The following CDH12 variants were observed in gnomAD, a reference collection of about 807,000 sequenced individuals.
The protein encoded by CDH12 is cadherin-12.
In CDH12, 41 loss-of-function variants were observed where a neutral mutation model predicts 74.1. The ratio of observed to expected loss-of-function variants is 0.55; its 90% CI spans 0.43 to 0.72. The LOEUF (loss-of-function observed/expected upper bound fraction) is 0.72. Ranked by LOEUF, CDH12 falls within the 30% of genes least tolerant of loss-of-function variation. The pLI is 0.00. For missense variants in CDH12, 945 were observed against 977.2 expected (o/e 0.97, Z 0.44); for synonymous variants, 399 against 355.0 (o/e 1.12, Z -1.39).
At chr5:21,755,553 G>A (rs768806973) in intron 14 of CDH12, 38 bp downstream of exon 14, 20 of 1,585,968 alleles carry the variant, frequency 1.3e-5, no homozygotes, top group Middle Eastern at 1.7e-4. Context: ...GGAAGAGAGA[G>A]CGAGAAAAAA....
intron 3 of CDH12, among the ~76,000 whole-genome samples, chr5:22,362,339 A>G (rs1740843428): frequency 6.6e-6 from 1 of 152,238 alleles, no homozygotes; most frequent in African/African-American, 2.4e-5. Flanking sequence ...AATGTTCATC[A>G]TCACTGGCCA....
chr5:22,114,422 ACAATTGGTTACACC>A (rs1744978189), intron 4 of CDH12, among the ~76,000 whole-genome samples: 1 of 152,136 alleles, frequency 6.6e-6, no homozygotes, highest in African/African-American at 2.4e-5. Context: ...AGAGTTCTGG[ACAATTGGTTACACC>A]TATAAATGTA....
At chr5:22,401,786 C>T (rs1742739715) in intron 3 of CDH12, among the ~76,000 whole-genome samples, 1 of 152,088 alleles carries the variant, frequency 6.6e-6, no homozygotes, top group South Asian at 2.1e-4. Flanking sequence ...TTGGGCCTAA[C>T]ATCCAATAAG....
chr5:22,396,111 T>A (rs915574262), intron 3 of CDH12, among the ~76,000 whole-genome samples: 5 of 152,122 alleles, frequency 3.3e-5, no homozygotes, highest in Admixed American at 2.0e-4. Context: ...TAAGCTGGGA[T>A]TTTTATTACT....
chr5:22,195,034 G>A (rs1178668094), intron 4 of CDH12, among the ~76,000 whole-genome samples: 1 of 152,140 alleles, frequency 6.6e-6, no homozygotes, highest in African/African-American at 2.4e-5. Context: ...GATGAAAATA[G>A]GACCTGATGA....
In CDH12 at chr5:21,760,289, G is replaced by A. The variant is rs116691635; in HGVS notation, c.1633+269C>T. Among the ~76,000 whole-genome samples the A allele has an allele frequency of 3.5e-3, 535 of 152,172 alleles. 1 individual carries two copies. Among genetic ancestry groups the A allele is most frequent in the Admixed American group, 5.2e-3 (79 of 15,264 alleles). On this transcript the variant is annotated intron_variant, in intron 13 of 14. Transcript: ENST00000382254. ...TGGGACAAATGATATGTTTAAAACA[G>A]GGAAAGCATTCAATTTCTCAGAGAG...
intron 9 of CDH12, among the ~76,000 whole-genome samples, chr5:21,816,036 C>T (rs746006411): frequency 1.1e-4 from 16 of 152,076 alleles, no homozygotes; most frequent in Non-Finnish European, 2.4e-4. Flanking sequence ...AGTAAATACT[C>T]AGCATCACTA....
intron 1 of CDH12, among the ~76,000 whole-genome samples, chr5:22,801,505 C>A (rs1748510379): frequency 6.6e-6 from 1 of 151,560 alleles, no homozygotes; most frequent in African/African-American, 2.4e-5. Context: ...TTCGTTTCCT[C>A]CAGCTGACGA....
At chr5:21,994,660 A>C (rs987511786) in intron 5 of CDH12, among the ~76,000 whole-genome samples, 10 of 152,178 alleles carry the variant, frequency 6.6e-5, no homozygotes, top group African/African-American at 2.4e-4. Flanking sequence ...ATACAGTTGG[A>C]AACAACTCTG....
At chr5:21,923,749 A>T (rs1201239395) in intron 6 of CDH12, among the ~76,000 whole-genome samples, 1 of 152,202 alleles carries the variant, frequency 6.6e-6, no homozygotes, top group Non-Finnish European at 1.5e-5. Context: ...TAGGTAACTC[A>T]TATGGATCTT....
chr5:22,672,619 A>G (rs1740963694), intron 1 of CDH12, among the ~76,000 whole-genome samples: 1 of 152,142 alleles, frequency 6.6e-6, no homozygotes, highest in Non-Finnish European at 1.5e-5. Flanking sequence ...AGCCTCCAGA[A>G]TTGTGAGCAA....
At chr5:22,698,279 A>T (rs1742491003) in intron 1 of CDH12, among the ~76,000 whole-genome samples, 1 of 150,898 alleles carries the variant, frequency 6.6e-6, no homozygotes, top group Non-Finnish European at 1.5e-5. Flanking sequence ...GCATCACCAC[A>T]CTTGGCTAAT....
In CDH12 at chr5:22,031,010, G is replaced by A. The variant is rs1237009820; in HGVS notation, c.231+47436C>T. On this transcript the variant is annotated intron_variant, in intron 5 of 14. Transcript: ENST00000382254. The stretch of plus-strand genomic sequence containing the variant: ...GCCTTCACAGAATTGAGGAGAGTTA[G>A]GGCCTTACTCTAAAATAGGTTTTTG... Among the ~76,000 whole-genome samples, 3 of 152,062 alleles carry A rather than the reference G, an allele frequency of 2.0e-5. No individual in the cohort carries two copies. In the East Asian group the frequency reaches 5.8e-4, roughly 29 times the overall value.
chr5:21,895,584 G>A (rs1466080155), intron 6 of CDH12, among the ~76,000 whole-genome samples: 3 of 152,172 alleles, frequency 2.0e-5, no homozygotes, highest in African/African-American at 4.8e-5. Context: ...CACCTTGTTA[G>A]CCACACAGCT....
At chr5:21,945,300 C>T (rs976552781) in intron 6 of CDH12, among the ~76,000 whole-genome samples, 7 of 151,730 alleles carry the variant, frequency 4.6e-5, no homozygotes, top group African/African-American at 1.7e-4. Flanking sequence ...TTGGCACATG[C>T]CTGTAATCCC....
At chr5:22,133,640 T>C (rs1746295373) in intron 4 of CDH12, among the ~76,000 whole-genome samples, 2 of 152,232 alleles carry the variant, frequency 1.3e-5, no homozygotes, top group Middle Eastern at 3.4e-3. Context: ...GCAATTTCTC[T>C]ATTATGAATG....
chr5:22,107,196 G>A (rs1008708289), intron 4 of CDH12, among the ~76,000 whole-genome samples: 11 of 150,400 alleles, frequency 7.3e-5, no homozygotes, highest in African/African-American at 2.2e-4. Flanking sequence ...GCAATGTCAC[G>A]ATCTCGGCTC....
intron 1 of CDH12, among the ~76,000 whole-genome samples, chr5:22,805,172 A>T (rs1280678447): frequency 6.6e-6 from 1 of 152,178 alleles, no homozygotes; most frequent in African/African-American, 2.4e-5. Context: ...GTTTTATATC[A>T]TTATGTTGGG....
chr5:21,884,508 G>A (rs953671709), intron 6 of CDH12, among the ~76,000 whole-genome samples: 1 of 152,132 alleles, frequency 6.6e-6, no homozygotes, highest in African/African-American at 2.4e-5. Flanking sequence ...CATGCCTACA[G>A]ATAATTTATT....
Sources: allele counts gnomAD v4.1 joint callset (sites outside exome capture counted in the v4.1 genomes callset), GRCh38; gene constraint gnomAD v4.1.1; transcripts MANE v1.5; gene names NCBI Gene and HGNC (gene_info 2026-07-23, HGNC 2026-07-21).